The following KIAA2012 variants were observed in gnomAD, a reference collection of about 807,000 sequenced individuals.
The protein encoded by KIAA2012 is KIAA2012, also known as uncharacterized protein KIAA2012.
In KIAA2012, 125 loss-of-function variants were observed where a neutral mutation model predicts 150.6. That is an observed-to-expected ratio of 0.83 (90% CI 0.72 to 0.96). The LOEUF (loss-of-function observed/expected upper bound fraction) is 0.96, where lower values mean the gene tolerates loss of function less well. Among genes scored for constraint, KIAA2012 ranks in the 40% least tolerant of loss-of-function variants. The pLI is 0.00. For synonymous variants in KIAA2012, 462 were observed against 504.7 expected (o/e 0.92, Z 1.13); for missense variants, 1,219 against 1,354.9 (o/e 0.90, Z 1.57).
chr2:202,158,150 A>G (rs1326749563), intron 14 of KIAA2012, among the ~76,000 whole-genome samples: 2 of 152,084 alleles, frequency 1.3e-5, no homozygotes, highest in African/African-American at 2.4e-5. Context: ...GCCCGCCACC[A>G]TGCCAGGCTA....
chr2:202,117,378 G>A lies in KIAA2012; in HGVS notation c.1762+3932G>A, dbSNP rs543336461. Among the ~76,000 whole-genome samples, 13 of 152,342 alleles carry A rather than the reference G, an allele frequency of 8.5e-5. No homozygotes were observed. In the South Asian group the frequency reaches 2.3e-3, roughly 27 times the overall value. On this transcript the variant is annotated intron_variant, in intron 11 of 23. Transcript: ENST00000498697. ...TTCTCCCATTTTTCCTTTGTGATAAGTTGGTTGTGGGACCCCACGGGTAAA... is the reference window on the plus strand; with the variant it reads ...TTCTCCCATTTTTCCTTTGTGATAAATTGGTTGTGGGACCCCACGGGTAAA...
At chr2:202,142,525 A>G (rs552630225) in intron 13 of KIAA2012, among the ~76,000 whole-genome samples, 28 of 152,352 alleles carry the variant, frequency 1.8e-4, no homozygotes, top group African/African-American at 4.1e-4. Flanking sequence ...CTCCAGCCGC[A>G]TGACTCCTAA....
chr2:202,128,869 C>T (rs1270909451), intron 12 of KIAA2012, among the ~76,000 whole-genome samples: 1 of 152,126 alleles, frequency 6.6e-6, no homozygotes, highest in Non-Finnish European at 1.5e-5. Flanking sequence ...TTAACAAAAA[C>T]ATTTTTACAT....
rs777615687 is a variant in KIAA2012, at chr2:202,073,691, G to C, written c.64G>C (p.Glu22Gln). The part of the protein sequence containing the change: ...GKLGQDKQKL[E>Q]VYFEPEDYLN... ...GCTGGGCCAGGACAAACAGAAGTTA[G>C]AAGTCTACTTTGAACCAGAGGTGAG... is the stretch of plus-strand genomic sequence containing the variant. The change falls in exon 1 of 24, where the codon GAA becomes CAA. Residue 22 changes from glutamate to glutamine, a missense_variant. Physicochemically the swap from Glu to Gln is conservative, Grantham distance 29. Coordinates refer to ENST00000498697, the MANE Select transcript of KIAA2012 (RefSeq NM_001277372.4). The C allele has an allele frequency of 3.2e-6, 5 of 1,550,484 alleles. No individual in the cohort carries two copies. The highest frequency in any genetic ancestry group is 4.4e-6 in the Non-Finnish European group (5 of 1,146,946).
intron 21 of KIAA2012, among the ~76,000 whole-genome samples, chr2:202,195,294 G>A (rs1322299273): frequency 6.6e-6 from 1 of 151,732 alleles, no homozygotes; most frequent in East Asian, 2.0e-4. Context: ...TAGGCAGGTG[G>A]ATCACCTGAG....
At chr2:202,202,964 ATTAG>A (rs773638148) in intron 23 of KIAA2012, among the ~76,000 whole-genome samples, 6 of 151,768 alleles carry the variant, frequency 4.0e-5, no homozygotes, top group African/African-American at 9.7e-5. Flanking sequence ...TCTGAGCCCA[ATTAG>A]TTAGTTCCAT....
intron 1 of KIAA2012, among the ~76,000 whole-genome samples, 177 bp from the exon 2 acceptor site, chr2:202,074,714 T>C (rs1228904467): frequency 1.3e-5 from 2 of 152,194 alleles, no homozygotes; most frequent in Admixed American, 6.5e-5. Flanking sequence ...TCTACTAATT[T>C]TGAAATGTGG....
chr2:202,203,396 G>C (rs892495587), intron 23 of KIAA2012, among the ~76,000 whole-genome samples: 1 of 152,122 alleles, frequency 6.6e-6, no homozygotes, highest in Non-Finnish European at 1.5e-5. Flanking sequence ...ATGCATATCT[G>C]CAACCACTTG....
chr2:202,132,716 GTA>G (rs1393772271), intron 12 of KIAA2012, among the ~76,000 whole-genome samples: 3 of 99,014 alleles, frequency 3.0e-5, no homozygotes, highest in Non-Finnish European at 6.0e-5. Context: ...ATGTATATAT[GTA>G]TATATATATA....
intron 22 of KIAA2012, chr2:202,201,764 G>A: frequency 7.5e-7 from 1 of 1,327,304 alleles, no homozygotes; most frequent in East Asian, 2.3e-5. Flanking sequence ...GCTCTGAGTA[G>A]GCAGTCGGAG....
intron 14 of KIAA2012, among the ~76,000 whole-genome samples, chr2:202,163,792 TTTTTTTTTTTTTTTTTC>T (rs1437691353): frequency 3.5e-5 from 3 of 86,040 alleles, no homozygotes; most frequent in African/African-American, 1.3e-4. Flanking sequence ...TTTTTTTTTT[TTTTTTTTTTTTTTTTTC>T]CTGTACCAGG....
At chr2:202,201,416 G>A (rs2105757580) in intron 22 of KIAA2012, 2 of 1,591,346 alleles carry the variant, frequency 1.3e-6, no homozygotes, top group African/African-American at 1.3e-5. Context: ...ATTCACCCAT[G>A]AAGAAGTTCC....
chr2:202,180,483 T>C (rs1692096650), intron 15 of KIAA2012, among the ~76,000 whole-genome samples: 1 of 152,214 alleles, frequency 6.6e-6, no homozygotes, highest in Non-Finnish European at 1.5e-5. Flanking sequence ...AAATAGACTG[T>C]ACATCCTTTA....
chr2:202,099,796 G>C lies in KIAA2012; in HGVS notation c.1012G>C (p.Asp338His). Reference protein sequence around the residue: ...AFPNRKADLSDKQRNVKLHKA... With the variant: ...AFPNRKADLSHKQRNVKLHKA... ...CCCTAATAGGAAGGCAGATCTCAGC[G>C]GTAAGAACTCAAATGTCTTGCTCAT... The change falls in exon 6 of 24, where the codon GAT becomes CAT. Residue 338 changes from aspartate to histidine, a missense_variant and splice_region_variant. Transcript: ENST00000498697. 4 of 1,547,858 alleles carry C rather than the reference G, an allele frequency of 2.6e-6. No individual in the cohort carries two copies. In the South Asian group the frequency reaches 4.8e-5, roughly 19 times the overall value.
At chr2:202,190,146 AT>A (rs1328573600) in intron 18 of KIAA2012, 27 bp from the exon 19 acceptor site, 23 of 1,483,624 alleles carry the variant, frequency 1.6e-5, no homozygotes, top group Non-Finnish European at 2.1e-5. Flanking sequence ...ACTCAGCTAT[AT>A]CTCTATCCCC....
intron 13 of KIAA2012, among the ~76,000 whole-genome samples, chr2:202,152,439 C>CA (rs1487556436): frequency 6.6e-6 from 1 of 152,168 alleles, no homozygotes; most frequent in Non-Finnish European, 1.5e-5. Flanking sequence ...AAAGTAATTT[C>CA]AGGCGTTGGA....
intron 14 of KIAA2012, among the ~76,000 whole-genome samples, chr2:202,158,872 T>C (rs1691592251): frequency 6.6e-6 from 1 of 152,186 alleles, no homozygotes; most frequent in Admixed American, 6.5e-5. Context: ...AGATATCAAA[T>C]TGAATATCCT....
Position 202,190,380 on chromosome 2 carries a change from G to T in KIAA2012, c.2698G>T (p.Asp900Tyr). Residue 900 changes from aspartate (D) to tyrosine (Y), a missense_variant, in exon 19 of 24, where the codon GAT becomes TAT. Asp to Tyr is a radical substitution (Grantham distance 160). Transcript: ENST00000498697. Reference protein sequence around the residue: ...VEDPWLSPKYDAQESQVSLDG... With the variant: ...VEDPWLSPKYYAQESQVSLDG... The stretch of plus-strand genomic sequence containing the variant: ...GGACCCTTGGCTTTCTCCCAAATAT[G>T]ATGCCCAGGAAAGCCAAGTTTCTCT... 1 of 1,550,616 alleles carries T rather than the reference G, an allele frequency of 6.4e-7. No individual in the cohort carries two copies. Among genetic ancestry groups the T allele is most frequent in the Non-Finnish European group, 8.7e-7 (1 of 1,146,982 alleles).
In KIAA2012 at chr2:202,188,191, C is replaced by T. The variant is rs1179073588; in HGVS notation, c.2416C>T (p.Pro806Ser). 1 of 1,550,478 alleles carries T rather than the reference C, an allele frequency of 6.4e-7. No homozygotes were observed. The highest frequency in any genetic ancestry group is 1.4e-5 in the African/African-American group (1 of 72,960). ...TAACGAGGCCAAGAGAAAGGAAAAA[C>T]CCAAGAAAGACAAAACCAAAGGACC... ...LINEAKRKEKPKKDKTKGPKS... is the reference protein window; with the variant it reads ...LINEAKRKEKSKKDKTKGPKS... The change falls in exon 18 of 24, where the codon CCC becomes TCC. Residue 806 changes from proline to serine, a missense_variant. Coordinates refer to ENST00000498697, the MANE Select transcript of KIAA2012 (RefSeq NM_001277372.4).
Sources: gnomAD v4.1 joint callset for allele counts (sites outside exome capture counted in the v4.1 genomes callset) on GRCh38, gnomAD v4.1.1 for gene constraint, MANE v1.5 for transcripts, NCBI Gene and HGNC (gene_info 2026-07-23, HGNC 2026-07-21) for gene names.